The following TUBGCP6 variants were observed in gnomAD, a reference collection of about 807,000 sequenced individuals.
TUBGCP6 encodes tubulin gamma complex component 6.
Under a neutral mutation model 175.8 loss-of-function variants are expected in TUBGCP6, and 161 were observed. The ratio of observed to expected loss-of-function variants is 0.92; its 90% CI spans 0.81 to 1.04. The LOEUF is 1.04. TUBGCP6 is among the 50% of genes least tolerant of loss of function. The pLI is 0.00. For missense variants in TUBGCP6, 2,572 were observed against 2,433.0 expected, an observed-to-expected ratio of 1.06 and a Z score of -1.20; for synonymous variants, 1,173 against 1,030.5, an observed-to-expected ratio of 1.14 and a Z score of -2.65.
At position 50,219,169 on chromosome 22, in the gene TUBGCP6, CGAA is replaced by C. The variant is rs754135791; in HGVS notation, c.4522_4524del (p.Phe1508del). 35 of 1,612,282 alleles carry C rather than the reference CGAA, an allele frequency of 2.2e-5. No individual in the cohort carries two copies. The highest frequency in any genetic ancestry group is 3.3e-5 in the South Asian group (3 of 91,056). ...TAGTGCGCCTCCAGGTGCAGCTCCA[CGAA>C]GAAGTAGTCGACAGCGGCCTTGTTC... On this transcript the variant is annotated inframe_deletion, in exon 20 of 25. Transcript: ENST00000248846.
intron 3 of TUBGCP6, among the ~76,000 whole-genome samples, chr22:50,232,567 A>G (rs188134647): frequency 6.6e-6 from 1 of 151,934 alleles, no homozygotes; most frequent in Non-Finnish European, 1.5e-5. Context: ...AAAAAAAAAA[A>G]AGAGAGTCAG....
At chr22:50,220,129 G>T (rs2064491678) in intron 16 of TUBGCP6, 114 bp from the exon 17 acceptor site, 5 of 1,549,078 alleles carry the variant, frequency 3.2e-6, no homozygotes, top group African/African-American at 1.4e-5. Flanking sequence ...AGCAGCCCAG[G>T]TCCTGGCTGA....
In TUBGCP6 at chr22:50,243,909, G is replaced by C; in HGVS notation, c.551C>G (p.Ala184Gly). 6.2e-7 allele frequency: 1 copy of C among 1,614,002 alleles called. No individual in the cohort carries two copies. Among genetic ancestry groups the C allele is most frequent in the South Asian group, 1.1e-5 (1 of 91,090 alleles). ...GGTGGGCAGGCCAGTGCCTGGAGCA[G>C]CCTCCATAACCTGAAGTGTTTCCTG... ...MIQETLQVMEAAPGTGLPTVG... is the reference protein window; with the variant it reads ...MIQETLQVMEGAPGTGLPTVG... The change falls in exon 1 of 25, where the codon GCT (alanine) becomes GGT (glycine). Residue 184 changes from alanine (A) to glycine (G), a missense_variant. Transcript: ENST00000248846.
chr22:50,230,522 G>A (rs1196380472), intron 3 of TUBGCP6, among the ~76,000 whole-genome samples: 2 of 151,708 alleles, frequency 1.3e-5, no homozygotes, highest in Non-Finnish European at 2.9e-5. Context: ...CAGGAGAATT[G>A]TTGAATACGG....
Position 50,225,942 on chromosome 22 carries a change from T to C in TUBGCP6, c.1835A>G (p.His612Arg), listed in dbSNP as rs1001666438. 2 of 1,612,316 alleles carry C rather than the reference T, an allele frequency of 1.2e-6. No homozygotes were observed. Among genetic ancestry groups the C allele is most frequent in the Non-Finnish European group, 1.7e-6 (2 of 1,179,672 alleles). ...AGGGACGTCGGACCAACAGAGGTAATGCTGCCAAAGGGGATGCAAGCACAG... is the reference window on the plus strand; with the variant it reads ...AGGGACGTCGGACCAACAGAGGTAACGCTGCCAAAGGGGATGCAAGCACAG... ...INLLKLCCPR[H>R]YLCWSDVPVP... Residue 612 changes from histidine to arginine, a missense_variant and splice_region_variant, in exon 10 of 25, where the codon CAT becomes CGT. Coordinates refer to ENST00000248846, the MANE Select transcript of TUBGCP6 (RefSeq NM_020461.4).
intron 13 of TUBGCP6, chr22:50,223,131 G>A (rs994268661): frequency 6.3e-6 from 1 of 158,336 alleles, no homozygotes; most frequent in South Asian, 1.9e-4. Context: ...ACAGGCCAGA[G>A]ACGTAGTGTC....
intron 13 of TUBGCP6, chr22:50,223,244 G>A (rs1257692384): frequency 6.6e-6 from 1 of 152,590 alleles, no homozygotes; most frequent in Admixed American, 6.5e-5. Context: ...CGTGCACACA[G>A]GCACGCGCAC....
chr22:50,227,390 C>CA (rs2064628440), intron 5 of TUBGCP6, among the ~76,000 whole-genome samples: 1 of 152,120 alleles, frequency 6.6e-6, no homozygotes, highest in Non-Finnish European at 1.5e-5. Flanking sequence ...CACCTGAGAG[C>CA]CCCTCCCATC....
rs781680566 is a variant in TUBGCP6 at position 50,233,353 on chromosome 22, A to G, written c.1079T>C (p.Leu360Ser). The stretch of plus-strand genomic sequence containing the variant: ...AAACGTGGCAGACACGACCCCAATC[A>G]AGACGTTCAGCACGTCTTTCACCAG... Reference protein sequence around the residue: ...CELVKDVLNVLIGVVSATFSL... With the variant: ...CELVKDVLNVSIGVVSATFSL... The change falls in exon 3 of 25, where the codon TTG (leucine) becomes TCG (serine). Residue 360 changes from leucine (L) to serine (S), a missense_variant. Transcript: ENST00000248846. 1.9e-6 allele frequency: 3 copies of G among 1,613,968 alleles called. No individual in the cohort carries two copies. The highest frequency in any genetic ancestry group is 3.3e-5 in the Admixed American group (2 of 60,016).
rs2064894322 is a variant in TUBGCP6, at chr22:50,244,537, AGT to A, written c.-80_-79del. 6.7e-7 allele frequency: 1 copy of A among 1,485,572 alleles called. No homozygotes were observed. Among genetic ancestry groups the A allele is most frequent in the Non-Finnish European group, 8.9e-7 (1 of 1,122,818 alleles). The allele number at this position is 1,485,572 out of a possible 1,614,324, so 92.0% of individuals were successfully genotyped here. ...TTCACTCACGCTCCGGAAGACAGGG[AGT>A]GAGAGAGGGTCCGAAGAGGCTGAAT... On this transcript the variant is annotated 5_prime_UTR_variant, in exon 1 of 25. Transcript: ENST00000248846.
Position 50,218,567 on chromosome 22 carries a change from G to C in TUBGCP6, c.4875C>G (p.Ser1625Arg). ...VITEGCVSKY[S>R]GVFSFLLQLK... ...GCTGCAGCAGGAAGGAGAAGACGCC[G>C]CTGTACTTGCTCACGCAGCCCTCGG... is the stretch of plus-strand genomic sequence containing the variant. The change falls in exon 22 of 25, where the codon AGC becomes AGG. Residue 1625 changes from serine (S) to arginine (R), a missense_variant. Physicochemically the swap from Ser to Arg is moderately radical, Grantham distance 110 (BLOSUM62 -1). Transcript: ENST00000248846. 1 of 1,613,796 alleles carries C rather than the reference G, an allele frequency of 6.2e-7. No homozygotes were observed. Among genetic ancestry groups the C allele is most frequent in the African/African-American group, 1.3e-5 (1 of 75,018 alleles).
In TUBGCP6 at chr22:50,219,798, A is replaced by AG; in HGVS notation, c.4168-8_4168-7insC. ...TCTGGGCAGCTGTGTCTTCCTAACAAAACACCAGCCTCAGAACCACCTCCC... is the reference window on the plus strand; with the variant it reads ...TCTGGGCAGCTGTGTCTTCCTAACAAGAACACCAGCCTCAGAACCACCTCCC... On this transcript the variant is annotated splice_region_variant and splice_polypyrimidine_tract_variant and intron_variant, in intron 17 of 24. Transcript: ENST00000248846. 6.2e-7 allele frequency: 1 copy of AG among 1,611,948 alleles called. No individual in the cohort carries two copies.
In TUBGCP6 at chr22:50,219,213, G is replaced by GCAGGAGGGAGCTGGAGT; in HGVS notation, c.4485-21_4485-5dup. 1 of 1,610,906 alleles carries GCAGGAGGGAGCTGGAGT rather than the reference G, an allele frequency of 6.2e-7. No individual in the cohort carries two copies. The highest frequency in any genetic ancestry group is 1.1e-5 in the South Asian group (1 of 91,040). On this transcript the variant is annotated splice_region_variant and splice_polypyrimidine_tract_variant and intron_variant, in intron 19 of 24. Transcript: ENST00000248846. ...GGCCTTGTTCACCAAGGAGATGCTG[G>GCAGGAGGGAGCTGGAGT]CAGGAGGGAGCTGGAGTCAGGGCGG...
chr22:50,243,632 AAAGAAGAAG>A (rs71198234), intron 1 of TUBGCP6, 78 bp downstream of exon 1: 18 of 954,106 alleles, frequency 1.9e-5, no homozygotes, highest in Middle Eastern at 5.4e-4. Context: ...AAAAAAAAAA[AAAGAAGAAG>A]AAGAAGAAGA....
chr22:50,226,331 C>T lies in TUBGCP6; in HGVS notation c.1649G>A (p.Gly550Asp). Residue 550 changes from glycine (G) to aspartate (D), a missense_variant, in exon 8 of 25, where the codon GGC becomes GAC. Coordinates refer to ENST00000248846, the MANE Select transcript of TUBGCP6 (RefSeq NM_020461.4). ...GTGGTTCACCTGAATCATGAACTCG[C>T]CATAAGCGTCTCTGAACACCCCGCT... The part of the protein sequence containing the change: ...VYSGVFRDAY[G>D]EFMIQVNHEY... The T allele has an allele frequency of 6.2e-7, 1 of 1,613,578 alleles. No individual in the cohort carries two copies. The highest frequency in any genetic ancestry group is 1.1e-5 in the South Asian group (1 of 91,036).
rs764835176 is a variant in TUBGCP6, at chr22:50,221,334, G to C, written c.3025C>G (p.Pro1009Ala). ...SRETLLPSHP[P>A]RRAALEEGSS... is the part of the protein sequence containing the mutation. ...CCCTCCTCCAGAGCAGCACGCCTGG[G>C]TGGGTGTGAGGGGAGCAGAGTCTCC... Residue 1009 changes from proline (P) to alanine (A), a missense_variant, in exon 16 of 25, where the codon CCC becomes GCC. Physicochemically the swap from Pro to Ala is conservative, Grantham distance 27. Transcript: ENST00000248846. 2.5e-6 allele frequency: 4 copies of C among 1,612,944 alleles called. No homozygotes were observed. The highest frequency in any genetic ancestry group is 1.1e-5 in the South Asian group (1 of 91,094).
rs2064482468 is a variant in TUBGCP6 at position 50,219,654 on chromosome 22, G to GT, written c.4304dup (p.Tyr1435Ter). ...QYHLERYPDSYESMSEPPIAH... is the reference protein window; with the variant it reads ...QYHLERYPDS ...AACTGCTGCACTCACACATGGACTC[G>GT]TAACTGTCCGGGTACCGCTCCAAGT... Residue 1435 changes from tyrosine to a stop codon, truncating the protein, a stop_gained and frameshift_variant, in exon 18 of 25, where the codon TAC becomes TAAC. Coordinates refer to ENST00000248846, the MANE Select transcript of TUBGCP6 (RefSeq NM_020461.4). LOFTEE classifies it high-confidence loss of function. The GT allele has an allele frequency of 6.2e-7, 1 of 1,613,368 alleles. No individual in the cohort carries two copies.
intron 11 of TUBGCP6, 35 bp downstream of exon 11, chr22:50,224,476 C>A (rs376766767): frequency 5.0e-6 from 8 of 1,614,156 alleles, no homozygotes; most frequent in Non-Finnish European, 5.9e-6. Context: ...CAAGGCCCCC[C>A]GGAACTGCAG....
At chr22:50,222,398 GT>G in intron 14 of TUBGCP6, 55 bp downstream of exon 14, 1 of 1,606,172 alleles carries the variant, frequency 6.2e-7, no homozygotes, top group Middle Eastern at 1.7e-4. Context: ...GTCTCAGGGG[GT>G]TTCCAGACCC....
Sources: allele counts gnomAD v4.1 joint callset (sites outside exome capture counted in the v4.1 genomes callset), GRCh38; gene constraint gnomAD v4.1.1; transcripts MANE v1.5; gene names NCBI Gene and HGNC (gene_info 2026-07-23, HGNC 2026-07-21).